The following APP variants were observed in gnomAD, a reference collection of about 807,000 sequenced individuals.
APP encodes the protein amyloid beta precursor protein.
A neutral mutation model predicts 101.4 loss-of-function variants in APP; 31 were observed. The observed-to-expected ratio is 0.31, with a 90% confidence interval of 0.23 to 0.41. The LOEUF (loss-of-function observed/expected upper bound fraction) is 0.41, where lower values mean the gene tolerates loss of function less well. APP is among the 10% of genes least tolerant of loss of function. APP has a pLI of 1.00. For missense variants in APP, 839 were observed against 1,003.7 expected, an observed-to-expected ratio of 0.84 and a Z score of 2.22; for synonymous variants, 366 against 364.4, an observed-to-expected ratio of 1.00 and a Z score of -0.05.
chr21:25,896,960 T>G (rs2038091601), intron 16 of APP, among the ~76,000 whole-genome samples: 1 of 151,444 alleles, frequency 6.6e-6, no homozygotes. Context: ...AAGCAGTGTA[T>G]GCATGTGTTT....
chr21:25,944,809 A>G (rs187252237), intron 13 of APP, among the ~76,000 whole-genome samples: 1 of 152,154 alleles, frequency 6.6e-6, no homozygotes, highest in East Asian at 1.9e-4. Context: ...TGTTCCCAAG[A>G]CTCTACAAAA....
At chr21:25,958,166 T>G (rs2041408367) in intron 11 of APP, among the ~76,000 whole-genome samples, 1 of 152,174 alleles carries the variant, frequency 6.6e-6, no homozygotes, top group Admixed American at 6.5e-5. Context: ...GCATTACTAC[T>G]TCAAGCTAAA....
chr21:26,005,030 A>G (rs889030072), intron 6 of APP, among the ~76,000 whole-genome samples: 1 of 152,082 alleles, frequency 6.6e-6, no homozygotes, highest in African/African-American at 2.4e-5. Context: ...TATGTGCCAC[A>G]TTTTCTTAAT....
intron 14 of APP, among the ~76,000 whole-genome samples, chr21:25,909,828 C>G (rs183083976): frequency 6.6e-6 from 1 of 152,242 alleles, no homozygotes; most frequent in East Asian, 1.9e-4. Context: ...TTTTCCAGGT[C>G]TTTGATAATG....
chr21:25,916,989 C>T (rs1195935759), intron 13 of APP, among the ~76,000 whole-genome samples: 2 of 152,098 alleles, frequency 1.3e-5, no homozygotes, highest in East Asian at 1.9e-4. Context: ...GGTGGCCAGG[C>T]GTGGTGGCTC....
At chr21:25,917,362 T>C (rs1178763094) in intron 13 of APP, among the ~76,000 whole-genome samples, 1 of 152,152 alleles carries the variant, frequency 6.6e-6, no homozygotes, top group Admixed American at 6.5e-5. Context: ...GTAAACACTT[T>C]AAAGAAAACA....
chr21:25,941,809 A>G (rs1013374895), intron 13 of APP: 1 of 152,230 alleles, frequency 6.6e-6, no homozygotes, highest in Non-Finnish European at 1.5e-5. Flanking sequence ...GCAACAGGCC[A>G]CTAACATGCC....
rs553474979 is a variant in APP, at chr21:26,160,329, C to T, written c.57+10235G>A. On this transcript the variant is annotated intron_variant, in intron 1 of 17. Transcript: ENST00000346798. ...CCCTATGGGTTAGCCAAGAACGCCC[C>T]TCCACAACAACCATAGAATTTTTAT... is the stretch of plus-strand genomic sequence containing the variant. Among the ~76,000 whole-genome samples the T allele has an allele frequency of 3.3e-5, 5 of 152,328 alleles. No homozygotes were observed. The East Asian group carries it at 9.7e-4, about 29-fold the overall frequency.
chr21:25,893,480 G>A (rs2037828989), intron 16 of APP, among the ~76,000 whole-genome samples: 1 of 152,202 alleles, frequency 6.6e-6, no homozygotes, highest in Non-Finnish European at 1.5e-5. Context: ...GATTAAAAGT[G>A]CTACTCCAGT....
At chr21:26,139,406 G>T (rs1253659585) in intron 1 of APP, among the ~76,000 whole-genome samples, 1 of 152,148 alleles carries the variant, frequency 6.6e-6, no homozygotes, top group South Asian at 2.1e-4. Context: ...CACAGATAAG[G>T]TAAGGTTACA....
intron 5 of APP, among the ~76,000 whole-genome samples, chr21:26,042,852 G>T (rs1262614584): frequency 6.6e-6 from 1 of 152,056 alleles, no homozygotes; most frequent in African/African-American, 2.4e-5. Flanking sequence ...GGAGTTCAAG[G>T]TTACACTGAT....
At chr21:25,970,630 G>A (rs949726472) in intron 11 of APP, among the ~76,000 whole-genome samples, 1 of 152,134 alleles carries the variant, frequency 6.6e-6, no homozygotes, top group African/African-American at 2.4e-5. Context: ...AAATGAAAAC[G>A]CTAATATGAA....
chr21:26,045,908 T>TA (rs1235745887), intron 5 of APP, among the ~76,000 whole-genome samples: 1 of 152,088 alleles, frequency 6.6e-6, no homozygotes, highest in East Asian at 1.9e-4. Context: ...TAACTGGACT[T>TA]ACAGTTCCAC....
chr21:26,165,706 A>G (rs1212111658), intron 1 of APP, among the ~76,000 whole-genome samples: 1 of 152,214 alleles, frequency 6.6e-6, no homozygotes, highest in East Asian at 1.9e-4. Flanking sequence ...TGAGTCTCGC[A>G]AGGTTCAAGC....
chr21:26,113,298 C>A (rs1475910018), intron 1 of APP, among the ~76,000 whole-genome samples: 1 of 152,174 alleles, frequency 6.6e-6, no homozygotes, highest in African/African-American at 2.4e-5. Flanking sequence ...AAACTGTCCA[C>A]AGGAGGAAAA....
intron 1 of APP, among the ~76,000 whole-genome samples, chr21:26,127,408 A>G (rs1569007294): frequency 6.6e-6 from 1 of 152,236 alleles, no homozygotes; most frequent in Non-Finnish European, 1.5e-5. Context: ...TGAATAATGT[A>G]TTAACTCTAC....
At chr21:25,921,298 C>T (rs796429013) in intron 13 of APP, among the ~76,000 whole-genome samples, 50 of 101,746 alleles carry the variant, frequency 4.9e-4, no homozygotes, top group East Asian at 6.0e-4. Flanking sequence ...AATTGACACC[C>T]TAACATCACA....
chr21:26,001,653 C>G (rs1432327541), intron 6 of APP, among the ~76,000 whole-genome samples: 1 of 152,162 alleles, frequency 6.6e-6, no homozygotes, highest in Non-Finnish European at 1.5e-5. Context: ...TGTACCAGCA[C>G]GCCTGGCTAA....
chr21:26,159,220 CA>C (rs1039434474), intron 1 of APP, among the ~76,000 whole-genome samples: 2 of 152,090 alleles, frequency 1.3e-5, no homozygotes, highest in Non-Finnish European at 2.9e-5. Context: ...GCTGGGACTA[CA>C]GGTGCCTGTC....
Sources: gnomAD v4.1 joint callset for allele counts (sites outside exome capture counted in the v4.1 genomes callset) on GRCh38, gnomAD v4.1.1 for gene constraint, MANE v1.5 for transcripts, NCBI Gene and HGNC (gene_info 2026-07-23, HGNC 2026-07-21) for gene names.